POLN: variants seen among roughly 807,000 people sequenced by gnomAD.
The protein encoded by POLN is DNA polymerase nu, also known as DNA polymerase N.
In POLN, 108 loss-of-function variants were observed where a neutral mutation model predicts 113.5. The observed-to-expected ratio is 0.95, with a 90% CI of 0.81 to 1.12. The LOEUF (loss-of-function observed/expected upper bound fraction) is 1.12, where lower values mean the gene tolerates loss of function less well. Ranked by LOEUF, POLN falls within the 50% of genes most tolerant of loss-of-function variation. The probability of loss-of-function intolerance (pLI) is 0.00; values close to 1 mark genes in which losing one functional copy is unlikely to be tolerated. For missense variants in POLN, 1,097 were observed against 1,077.1 expected (o/e 1.02, Z -0.26); for synonymous variants, 386 against 391.5 (o/e 0.99, Z 0.17).
chr4:2,203,575 G>A (rs1172775695), intron 5 of POLN, among the ~76,000 whole-genome samples: 1 of 143,122 alleles, frequency 7.0e-6, no homozygotes, highest in Non-Finnish European at 1.5e-5. Context: ...GCAAGACTCT[G>A]TCTAAAAAAA....
chr4:2,083,514 G>T (rs1267318735), intron 21 of POLN, among the ~76,000 whole-genome samples: 1 of 152,232 alleles, frequency 6.6e-6, no homozygotes, highest in Admixed American at 6.5e-5. Flanking sequence ...TGACTCCCTT[G>T]TGGCCTAAGG....
intron 2 of POLN, among the ~76,000 whole-genome samples, chr4:2,233,989 G>A (rs1326096601): frequency 6.6e-6 from 1 of 151,920 alleles, no homozygotes; most frequent in Non-Finnish European, 1.5e-5. Context: ...GTATCCAGAT[G>A]AAAGTATCCA....
At chr4:2,138,610 T>C (rs1731918091) in intron 16 of POLN, among the ~76,000 whole-genome samples, 2 of 152,086 alleles carry the variant, frequency 1.3e-5, no homozygotes, top group South Asian at 2.1e-4. Context: ...GGCTTAAAAA[T>C]GGTGAAATCA....
intron 22 of POLN, chr4:2,081,279 A>G (rs1026665273): frequency 1.7e-6 from 2 of 1,200,364 alleles, no homozygotes; most frequent in Non-Finnish European, 2.3e-6. Context: ...CACCCCTGCC[A>G]GGCATGCATG....
At chr4:2,080,086 G>C (rs751608099) in intron 23 of POLN, 43 of 985,414 alleles carry the variant, frequency 4.4e-5, no homozygotes, top group Non-Finnish European at 4.7e-5. Flanking sequence ...AGAGGGCGAG[G>C]GGCCCTTCGG....
At chr4:2,214,230 T>A (rs1383912758) in intron 3 of POLN, among the ~76,000 whole-genome samples, 1 of 151,654 alleles carries the variant, frequency 6.6e-6, no homozygotes, top group African/African-American at 2.4e-5. Flanking sequence ...GGCAAGACTC[T>A]GTCCTGGGAA....
rs527801045 is a variant in POLN at position 2,154,846 on chromosome 4, A to T, written c.1731+1942T>A. 3.3e-5 allele frequency among the ~76,000 whole-genome samples: 5 copies of T among 152,370 alleles called. No homozygotes were observed. The East Asian group carries it at 9.6e-4, about 29-fold the overall frequency. ...TTAAATGGAATACAATGCAGCTGTT[A>T]AAAAGATGACACAAACTTCCAGTTA... On this transcript the variant is annotated intron_variant, in intron 16 of 25. Transcript: ENST00000511885.
chr4:2,111,773 C>A (rs1488910895), intron 19 of POLN, among the ~76,000 whole-genome samples: 7 of 152,160 alleles, frequency 4.6e-5, no homozygotes, highest in African/African-American at 1.7e-4. Flanking sequence ...ATTCCATGCT[C>A]ATAAGTAGGA....
intron 13 of POLN, among the ~76,000 whole-genome samples, chr4:2,163,027 CAAAAAAAAA>C (rs66769262): frequency 3.0e-5 from 2 of 66,556 alleles, no homozygotes; most frequent in African/African-American, 1.1e-4. Flanking sequence ...CAGTTCCTAC[CAAAAAAAAA>C]AAAAAAAAAA....
At position 2,126,648 on chromosome 4, in the gene POLN, C is replaced by T. The variant is rs758619366; in HGVS notation, c.1982+1465G>A. 3.3e-5 allele frequency among the ~76,000 whole-genome samples: 5 copies of T among 151,958 alleles called. No homozygotes were observed. Among genetic ancestry groups the T allele is most frequent in the Non-Finnish European group, 7.4e-5 (5 of 67,998 alleles). On this transcript the variant is annotated intron_variant, in intron 19 of 25. Transcript: ENST00000511885. This position sits in a 1 kb window ranked among gnomAD's most constrained non-coding sequence, Gnocchi z 4.6. ...AGGAGTGGAGACCAGAGAGGAGCGGCGCCGTGCCCAGCATCAGGGGAGGGT... is the reference window on the plus strand; with the variant it reads ...AGGAGTGGAGACCAGAGAGGAGCGGTGCCGTGCCCAGCATCAGGGGAGGGT...
intron 16 of POLN, among the ~76,000 whole-genome samples, chr4:2,152,011 C>G (rs1037710812): frequency 6.6e-5 from 10 of 151,378 alleles, no homozygotes; most frequent in African/African-American, 2.4e-4. Context: ...TAACCTAAAC[C>G]TAATTTTCTT....
chr4:2,181,123 G>C (rs7699040), intron 7 of POLN, among the ~76,000 whole-genome samples: 1 of 151,602 alleles, frequency 6.6e-6, no homozygotes. Context: ...AAGAATTAAG[G>C]AAAGGGAATT....
At chr4:2,118,429 C>T (rs111387009) in intron 19 of POLN, among the ~76,000 whole-genome samples, 1 of 152,186 alleles carries the variant, frequency 6.6e-6, no homozygotes, top group East Asian at 1.9e-4. Flanking sequence ...TGTACATAGG[C>T]CAATTCTTTT....
At chr4:2,185,850 C>T (rs1733260200) in intron 7 of POLN, among the ~76,000 whole-genome samples, 1 of 152,012 alleles carries the variant, frequency 6.6e-6, no homozygotes, top group Non-Finnish European at 1.5e-5. Context: ...AGTTATAGAA[C>T]AACTAGGGAA....
chr4:2,232,136 C>A, intron 2 of POLN: 1 of 1,557,210 alleles, frequency 6.4e-7, no homozygotes, highest in South Asian at 1.2e-5. Context: ...TGAGATTCAA[C>A]TTTATGAAAC....
intron 3 of POLN, among the ~76,000 whole-genome samples, chr4:2,222,930 C>A (rs966530126): frequency 2.6e-5 from 4 of 152,146 alleles, no homozygotes; most frequent in African/African-American, 9.7e-5. Flanking sequence ...AGCTTACCTG[C>A]GGGAGACCAA....
rs894137420 is a variant in POLN, at chr4:2,093,962, G to C, written c.2065+1889C>G. Among the ~76,000 whole-genome samples the C allele has an allele frequency of 6.6e-4, 101 of 152,108 alleles. No homozygotes were observed. The highest frequency in any genetic ancestry group is 1.3e-3 in the Non-Finnish European group (87 of 68,004). ...CTTTGAGGTACTCATGTTTGAGCTG[G>C]GGCATGAGACCATGAACAGGCGAGT... On this transcript the variant is annotated intron_variant, in intron 20 of 25. Transcript: ENST00000511885. This position sits in a 1 kb window ranked among gnomAD's most constrained non-coding sequence, Gnocchi z 4.1.
intron 17 of POLN, among the ~76,000 whole-genome samples, chr4:2,129,737 G>C (rs1173514011): frequency 1.3e-5 from 2 of 152,022 alleles, no homozygotes; most frequent in African/African-American, 2.4e-5. Context: ...AAGTTAACTA[G>C]GTTTTCTGTT....
chr4:2,223,042 G>T (rs1039069383), intron 3 of POLN, among the ~76,000 whole-genome samples: 20 of 152,168 alleles, frequency 1.3e-4, no homozygotes, highest in Non-Finnish European at 2.9e-4. Context: ...GTTTACTGGG[G>T]AGTGGCCTTG....
Sources: gnomAD v4.1 joint callset for allele counts (sites outside exome capture counted in the v4.1 genomes callset) on GRCh38, gnomAD v4.1.1 for gene constraint, Gnocchi (gnomAD v3.1) non-coding constraint, MANE v1.5 for transcripts, NCBI Gene and HGNC (gene_info 2026-07-23, HGNC 2026-07-21) for gene names.